ANLN: variants seen among roughly 807,000 people sequenced by gnomAD.
ANLN encodes anillin.
ANLN carries 59 observed loss-of-function variants against 135.1 expected under a neutral mutation model. That is an observed-to-expected ratio of 0.44 (90% CI 0.35 to 0.54). The LOEUF (loss-of-function observed/expected upper bound fraction) is 0.54. Among genes scored for constraint, ANLN ranks in the 20% least tolerant of loss-of-function variants. ANLN has a pLI of 0.00. For synonymous variants in ANLN, 406 were observed against 456.4 expected, an observed-to-expected ratio of 0.89 and a Z score of 1.41; for missense variants, 1,182 against 1,340.0, an observed-to-expected ratio of 0.88 and a Z score of 1.84.
At chr7:36,400,717 C>T (rs1340147760) in intron 3 of ANLN, among the ~76,000 whole-genome samples, 2 of 152,182 alleles carry the variant, frequency 1.3e-5, no homozygotes, top group African/African-American at 4.8e-5. Flanking sequence ...ACGGTGCTTG[C>T]AGACAGCTCA....
chr7:36,452,095 T>C (rs1436842761), intron 23 of ANLN, among the ~76,000 whole-genome samples: 1 of 152,222 alleles, frequency 6.6e-6, no homozygotes, highest in Non-Finnish European at 1.5e-5. Flanking sequence ...GAAGGTTATA[T>C]TGGGAGTGCC....
At chr7:36,402,616 T>A (rs1787001077) in intron 3 of ANLN, among the ~76,000 whole-genome samples, 1 of 152,162 alleles carries the variant, frequency 6.6e-6, no homozygotes, top group Non-Finnish European at 1.5e-5. Flanking sequence ...ATCTCTCTAT[T>A]TTGACACATT....
At chr7:36,414,994 G>A (rs1787581469) in intron 7 of ANLN, among the ~76,000 whole-genome samples, 1 of 152,156 alleles carries the variant, frequency 6.6e-6, no homozygotes, top group African/African-American at 2.4e-5. Context: ...AAAGGTGGCT[G>A]GCACATATTG....
At chr7:36,395,007 C>T (rs1786637671) in intron 1 of ANLN, among the ~76,000 whole-genome samples, 1 of 152,080 alleles carries the variant, frequency 6.6e-6, no homozygotes, top group Non-Finnish European at 1.5e-5. Context: ...TTAAATAAAA[C>T]ATAAGATTAT....
At chr7:36,417,674 C>CTTTT (rs70977138) in intron 9 of ANLN, among the ~76,000 whole-genome samples, 49 of 97,268 alleles carry the variant, frequency 5.0e-4, no homozygotes, top group African/African-American at 6.0e-4. Flanking sequence ...CTCAAACTTC[C>CTTTT]TTTTTTTTTT....
At chr7:36,444,510 T>TA (rs1221512849) in intron 22 of ANLN, among the ~76,000 whole-genome samples, 1 of 152,156 alleles carries the variant, frequency 6.6e-6, no homozygotes, top group Non-Finnish European at 1.5e-5. Context: ...TTAGTTAGGG[T>TA]AAAACAGTAA....
intron 20 of ANLN, among the ~76,000 whole-genome samples, chr7:36,436,128 C>T (rs1045711428): frequency 2.0e-5 from 3 of 152,204 alleles, no homozygotes. Context: ...TCTTCCCTCC[C>T]CCGAGCCCCT....
chr7:36,453,210 A>G lies in ANLN; in HGVS notation c.*610A>G, dbSNP rs1789317236. 1 of 152,244 alleles carries G rather than the reference A, an allele frequency of 6.6e-6. No homozygotes were observed. Among genetic ancestry groups the G allele is most frequent in the African/African-American group, 2.4e-5 (1 of 41,448 alleles). 9.4% of individuals were successfully genotyped at this position (152,244 alleles called of 1,614,324 possible). The stretch of plus-strand genomic sequence containing the variant: ...GTGAGACTTGGGGGTTCAATATTTT[A>G]TATAGAAGAGTTAATAAGCACATGG... On this transcript the variant is annotated 3_prime_UTR_variant, in exon 24 of 24. Transcript: ENST00000265748.
At chr7:36,393,114 C>T (rs1786551947) in intron 1 of ANLN, among the ~76,000 whole-genome samples, 1 of 151,564 alleles carries the variant, frequency 6.6e-6, no homozygotes, top group African/African-American at 2.4e-5. Flanking sequence ...ACTTCTGCCT[C>T]CCAGGTTCAA....
intron 14 of ANLN, among the ~76,000 whole-genome samples, chr7:36,423,131 GA>G (rs1787947444): frequency 6.6e-6 from 1 of 152,036 alleles, no homozygotes; most frequent in Admixed American, 6.5e-5. Context: ...GAATACCAAA[GA>G]AATAAAGGAA....
At chr7:36,438,603 T>C (rs1788641801) in intron 20 of ANLN, among the ~76,000 whole-genome samples, 1 of 152,072 alleles carries the variant, frequency 6.6e-6, no homozygotes, top group African/African-American at 2.4e-5. Context: ...AGCTCCTGGG[T>C]TCGAGTGATC....
chr7:36,413,812 G>A (rs1252103939), intron 7 of ANLN, among the ~76,000 whole-genome samples: 1 of 151,906 alleles, frequency 6.6e-6, no homozygotes, highest in African/African-American at 2.4e-5. Context: ...CCAACATGGT[G>A]AAACCCTATC....
At chr7:36,425,635 A>G (rs576410604) in intron 17 of ANLN, 67 bp from the exon 18 acceptor site, 2 of 1,238,690 alleles carry the variant, frequency 1.6e-6, no homozygotes, top group Non-Finnish European at 2.3e-6. Flanking sequence ...TCAAGGTTGG[A>G]TAGTTTTACT....
intron 1 of ANLN, 131 bp from the exon 2 acceptor site, chr7:36,396,135 G>T: frequency 1.6e-6 from 1 of 622,546 alleles, no homozygotes; most frequent in Non-Finnish European, 2.5e-6. Flanking sequence ...TGACATAATT[G>T]CTTAGGATTT....
At chr7:36,411,346 C>G (rs1170140098) in intron 7 of ANLN, among the ~76,000 whole-genome samples, 180 bp downstream of exon 7, 1 of 152,132 alleles carries the variant, frequency 6.6e-6, no homozygotes, top group East Asian at 1.9e-4. Context: ...TGATATTTTT[C>G]TATTTCAGTG....
intron 21 of ANLN, among the ~76,000 whole-genome samples, chr7:36,439,541 C>T (rs1031108477): frequency 6.6e-6 from 1 of 152,158 alleles, no homozygotes; most frequent in South Asian, 2.1e-4. Flanking sequence ...CAATATAATA[C>T]TCTAATAGGA....
chr7:36,431,462 C>A (rs2116722152), intron 20 of ANLN, among the ~76,000 whole-genome samples: 2 of 151,142 alleles, frequency 1.3e-5, no homozygotes, highest in South Asian at 4.2e-4. Context: ...ACAGACACTT[C>A]CATCTTCCTT....
At chr7:36,399,528 G>A in intron 3 of ANLN, 135 bp downstream of exon 3, 1 of 819,906 alleles carries the variant, frequency 1.2e-6, no homozygotes, top group Non-Finnish European at 1.8e-6. Flanking sequence ...TCCTTTGCTT[G>A]CATATGGTTT....
chr7:36,435,903 G>C (rs1160507551), intron 20 of ANLN, among the ~76,000 whole-genome samples: 1 of 85,040 alleles, frequency 1.2e-5, no homozygotes, highest in Non-Finnish European at 2.3e-5. Flanking sequence ...AAAAAAAAAA[G>C]ATTTATCCAT....
Sources: gnomAD v4.1 joint callset for allele counts (sites outside exome capture counted in the v4.1 genomes callset) on GRCh38, gnomAD v4.1.1 for gene constraint, MANE v1.5 for transcripts, NCBI Gene and HGNC (gene_info 2026-07-23, HGNC 2026-07-21) for gene names.